ADAD1: variants seen among roughly 807,000 people sequenced by gnomAD.
ADAD1 encodes adenosine deaminase domain containing 1.
ADAD1 carries 46 observed loss-of-function variants against 66.8 expected under a neutral mutation model. The ratio of observed to expected loss-of-function variants is 0.69; its 90% confidence interval spans 0.54 to 0.88. The LOEUF (loss-of-function observed/expected upper bound fraction) is 0.88, where lower values mean the gene tolerates loss of function less well. ADAD1 is among the 40% of genes least tolerant of loss of function. ADAD1 has a pLI of 0.00. For synonymous variants in ADAD1, 248 were observed against 229.4 expected (o/e 1.08, Z -0.73); for missense variants, 617 against 681.8 (o/e 0.91, Z 1.06).
intron 12 of ADAD1, among the ~76,000 whole-genome samples, chr4:122,423,465 C>G (rs1246770593): frequency 6.6e-6 from 1 of 152,186 alleles, no homozygotes; most frequent in Non-Finnish European, 1.5e-5. Context: ...CCAAGGGATA[C>G]TTGAGAGCTG....
chr4:122,390,292 T>C (rs530697738), intron 5 of ADAD1, among the ~76,000 whole-genome samples: 7 of 152,256 alleles, frequency 4.6e-5, no homozygotes, highest in African/African-American at 1.7e-4. Flanking sequence ...CCCTTAATAG[T>C]TTTTCCTTCA....
chr4:122,402,385 C>G (rs1796022038), intron 7 of ADAD1, among the ~76,000 whole-genome samples: 1 of 152,054 alleles, frequency 6.6e-6, no homozygotes, highest in African/African-American at 2.4e-5. Context: ...ATAGGTTTTC[C>G]TTTATAGGTT....
chr4:122,397,444 C>G (rs933750991), intron 7 of ADAD1, among the ~76,000 whole-genome samples: 1 of 152,146 alleles, frequency 6.6e-6, no homozygotes, highest in Non-Finnish European at 1.5e-5. Flanking sequence ...GAAACAGTGA[C>G]AACCCAACTT....
rs1436581404 is a variant in ADAD1 at position 122,412,852 on chromosome 4, G to T, written c.1249+43G>T. ...ACCTCCTGGGCCTCTCACTCACTAA[G>T]CAAATTCTCTGTATTTTACTTATCA... On this transcript the variant is annotated intron_variant, in intron 10 of 12. Transcript: ENST00000296513. 7.3e-6 allele frequency: 11 copies of T among 1,503,726 alleles called. No homozygotes were observed. In the Middle Eastern group the frequency reaches 1.7e-3, roughly 237 times the overall value. 93.1% of individuals were successfully genotyped at this position (1,503,726 alleles called of 1,614,324 possible).
chr4:122,415,264 G>T (rs1796676457), intron 10 of ADAD1, 115 bp from the exon 11 acceptor site: 2 of 767,766 alleles, frequency 2.6e-6, no homozygotes. Context: ...GAAAGGGAAG[G>T]TTGAAAGATA....
At position 122,415,607 on chromosome 4, in the gene ADAD1, T is replaced by C. The variant is rs1796695321; in HGVS notation, c.1478T>C (p.Ile493Thr). Residue 493 changes from isoleucine (I) to threonine (T), a missense_variant, in exon 11 of 13, where the codon ATC (isoleucine) becomes ACC (threonine). Transcript: ENST00000296513. ...ATTGTGGATGGCCTGAGTGGGAAGA[T>C]CACTGAAAGGTTAAAATTACTAATT... ...LEIVDGLSGK[I>T]TESSPFKSGM... is the part of the protein sequence containing the mutation. 1 of 1,612,532 alleles carries C rather than the reference T, an allele frequency of 6.2e-7. No homozygotes were observed. Among genetic ancestry groups the C allele is most frequent in the Non-Finnish European group, 8.5e-7 (1 of 1,178,886 alleles).
rs1796988570 is a variant in ADAD1, at chr4:122,421,249, C to A, written c.1488-12C>A. On this transcript the variant is annotated splice_polypyrimidine_tract_variant and intron_variant, in intron 11 of 12. Transcript: ENST00000296513. ...AAAAGAAATTTAAAAAATTTTATTT[C>A]TCTCTGCTTAGTTCCCCATTTAAAA... 3 of 1,528,276 alleles carry A rather than the reference C, an allele frequency of 2.0e-6. No individual in the cohort carries two copies. Among genetic ancestry groups the A allele is most frequent in the South Asian group, 1.3e-5 (1 of 76,210 alleles). The allele number at this position is 1,528,276 out of a possible 1,614,324, so 94.7% of individuals were successfully genotyped here.
intron 7 of ADAD1, among the ~76,000 whole-genome samples, chr4:122,402,159 A>G (rs552953111): frequency 1.6e-4 from 24 of 152,178 alleles, no homozygotes; most frequent in Non-Finnish European, 2.1e-4. Flanking sequence ...AAGATTCATA[A>G]GTCCTTTTAG....
At chr4:122,405,118 T>C (rs780362451) in intron 7 of ADAD1, among the ~76,000 whole-genome samples, 67 of 152,266 alleles carry the variant, frequency 4.4e-4, no homozygotes, top group Non-Finnish European at 8.2e-4. Context: ...TAAGGGAAGG[T>C]TTACGGACCT....
chr4:122,421,924 T>C (rs1006414293), intron 12 of ADAD1, among the ~76,000 whole-genome samples: 7 of 152,030 alleles, frequency 4.6e-5, no homozygotes, highest in African/African-American at 1.7e-4. Context: ...GTTTTAAAAA[T>C]ACAGAAAAAA....
intron 12 of ADAD1, among the ~76,000 whole-genome samples, chr4:122,427,639 A>G (rs1443516492): frequency 7.4e-6 from 1 of 135,908 alleles, no homozygotes; most frequent in Non-Finnish European, 1.5e-5. Context: ...GGTTCAAGTG[A>G]TTCTCCTGCC....
At chr4:122,419,728 A>G (rs965557574) in intron 11 of ADAD1, among the ~76,000 whole-genome samples, 6 of 152,172 alleles carry the variant, frequency 3.9e-5, no homozygotes, top group African/African-American at 9.7e-5. Context: ...TAGAAATAAT[A>G]CCAGACTAGA....
chr4:122,417,588 T>C (rs1280260463), intron 11 of ADAD1, among the ~76,000 whole-genome samples: 3 of 152,170 alleles, frequency 2.0e-5, no homozygotes, highest in Non-Finnish European at 4.4e-5. Flanking sequence ...ATTCACCTCT[T>C]TCAGTTCATG....
At chr4:122,412,509 G>A in intron 9 of ADAD1, 71 bp from the exon 10 acceptor site, 1 of 1,245,242 alleles carries the variant, frequency 8.0e-7, no homozygotes, top group African/African-American at 1.5e-5. Flanking sequence ...CAGAACAGCT[G>A]TTAGGTACAG....
At chr4:122,420,957 C>G (rs1796975348) in intron 11 of ADAD1, among the ~76,000 whole-genome samples, 1 of 152,036 alleles carries the variant, frequency 6.6e-6, no homozygotes, top group Admixed American at 6.6e-5. Flanking sequence ...CCAGTGAATC[C>G]CTCATAGAAC....
rs1314649193 is a variant in ADAD1, at chr4:122,412,729, C to T, written c.1169C>T (p.Thr390Ile). ...AGTATGTCCTCAAGTGACAAATTGA[C>T]CAGATGGGAAGTGCTTGGTGTACAG... ...ISSMSSSDKL[T>I]RWEVLGVQGA... The change falls in exon 10 of 13, where the codon ACC (threonine) becomes ATC (isoleucine). Residue 390 changes from threonine (T) to isoleucine (I), a missense_variant. By Grantham distance (89) the Thr-to-Ile change is moderately conservative. Transcript: ENST00000296513. 4.3e-6 allele frequency: 7 copies of T among 1,613,700 alleles called. No homozygotes were observed. Among genetic ancestry groups the T allele is most frequent in the Non-Finnish European group, 5.9e-6 (7 of 1,179,824 alleles).
chr4:122,419,668 A>G (rs1265623665), intron 11 of ADAD1, among the ~76,000 whole-genome samples: 1 of 152,242 alleles, frequency 6.6e-6, no homozygotes, highest in Admixed American at 6.5e-5. Context: ...TGTTTTATAC[A>G]GTAACACCAA....
At chr4:122,404,045 T>C (rs933861271) in intron 7 of ADAD1, among the ~76,000 whole-genome samples, 5 of 152,170 alleles carry the variant, frequency 3.3e-5, no homozygotes, top group African/African-American at 7.2e-5. Context: ...GAGCCCAGTT[T>C]ATATTCAGGC....
At chr4:122,387,768 G>GT (rs1164344936) in intron 5 of ADAD1, among the ~76,000 whole-genome samples, 40 of 139,172 alleles carry the variant, frequency 2.9e-4, no homozygotes, top group South Asian at 1.2e-3. Context: ...TTTGTTTTTT[G>GT]TTTTTTTTTG....
Sources: gnomAD v4.1 joint callset for allele counts (sites outside exome capture counted in the v4.1 genomes callset) on GRCh38, gnomAD v4.1.1 for gene constraint, MANE v1.5 for transcripts, NCBI Gene and HGNC (gene_info 2026-07-23, HGNC 2026-07-21) for gene names.